The following FNTA variants were observed in gnomAD, a reference collection of about 807,000 sequenced individuals.
The protein encoded by FNTA is farnesyltransferase, CAAX box, subunit alpha.
Under a neutral mutation model 55.2 loss-of-function variants are expected in FNTA, and 27 were observed. The observed-to-expected ratio is 0.49, with a 90% CI of 0.36 to 0.67. The LOEUF (loss-of-function observed/expected upper bound fraction) is 0.67, where lower values mean the gene tolerates loss of function less well. Ranked by LOEUF, FNTA falls within the 30% of genes least tolerant of loss-of-function variation. FNTA has a pLI of 0.00. For missense variants in FNTA, 422 were observed against 464.7 expected, an observed-to-expected ratio of 0.91 and a Z score of 0.85; for synonymous variants, 176 against 170.7, an observed-to-expected ratio of 1.03 and a Z score of -0.24.
At chr8:43,064,838 A>C (rs1455268748) in intron 3 of FNTA, among the ~76,000 whole-genome samples, 1 of 148,762 alleles carries the variant, frequency 6.7e-6, no homozygotes, top group African/African-American at 2.5e-5. Flanking sequence ...TTATATTTTT[A>C]CTTTTATTTT....
chr8:43,084,217 C>CTTTTT (rs965185730), intron 7 of FNTA, among the ~76,000 whole-genome samples: 5 of 131,544 alleles, frequency 3.8e-5, no homozygotes, highest in African/African-American at 1.4e-4. Flanking sequence ...TGTAATTATC[C>CTTTTT]TTTTTTTTTT....
chr8:43,059,006 T>A (rs1211942695), intron 1 of FNTA, 86 bp from the exon 2 acceptor site: 1 of 966,226 alleles, frequency 1.0e-6, no homozygotes, highest in Non-Finnish European at 1.6e-6. Flanking sequence ...TCAATGTAAC[T>A]GTAATTATTG....
rs34748037 is a variant in FNTA at position 43,066,587 on chromosome 8, CGTGTGTGT to C, written c.401+2391_401+2398del. On this transcript the variant is annotated intron_variant, in intron 3 of 8. Coordinates refer to ENST00000302279, the MANE Select transcript of FNTA (RefSeq NM_002027.3). The stretch of plus-strand genomic sequence containing the variant: ...ATATTCTTTTTTAAATAGCATCGTT[CGTGTGTGT>C]GTGTGTGTGTGTGTGTGTTTAATTT... Among the ~76,000 whole-genome samples, 69 of 148,680 alleles carry C rather than the reference CGTGTGTGT, an allele frequency of 4.6e-4. No homozygotes were observed. The South Asian group carries it at 9.2e-3, about 20-fold the overall frequency.
chr8:43,063,894 A>G (rs1241098261), intron 2 of FNTA, among the ~76,000 whole-genome samples: 3 of 152,260 alleles, frequency 2.0e-5, no homozygotes, highest in Non-Finnish European at 4.4e-5. Context: ...GTAAGCATAC[A>G]GTTATACATA....
Position 43,064,337 on chromosome 8 carries a change from G to GT in FNTA, c.401+125dup, listed in dbSNP as rs1287553103. On this transcript the variant is annotated intron_variant, in intron 3 of 8. Transcript: ENST00000302279. ...TTTATTTTTTTTGGAGGGGGGTGCA[G>GT]TTTCACTCTTGTTGCCCAGGCTGGA... 1.2e-4 allele frequency: 76 copies of GT among 614,796 alleles called. No individual in the cohort carries two copies. In the Admixed American group the frequency reaches 2.1e-3, roughly 17 times the overall value. 38.1% of individuals were successfully genotyped at this position (614,796 alleles called of 1,614,324 possible). A position where few individuals can be genotyped will look rare whatever the true frequency, so the allele number is the denominator to read the frequency against.
chr8:43,078,525 G>A (rs1382182402), intron 6 of FNTA: 1 of 151,996 alleles, frequency 6.6e-6, no homozygotes, highest in Non-Finnish European at 1.5e-5. Context: ...TTTGTGATCA[G>A]TCATCTTTGA....
chr8:43,065,825 G>A (rs1190668772), intron 3 of FNTA, among the ~76,000 whole-genome samples: 1 of 151,344 alleles, frequency 6.6e-6, no homozygotes, highest in East Asian at 1.9e-4. Context: ...ACATCATTGA[G>A]TAGAAAGATG....
rs1189148410 is a variant in FNTA, at chr8:43,085,577, C to T, written c.*295C>T. Reference sequence around the variant, plus strand: ...AATCCCTTAGCATCAGCTCCTCCCTCAGTGGTACATGCGTCAAGATTTGTA... The same window carrying T: ...AATCCCTTAGCATCAGCTCCTCCCTTAGTGGTACATGCGTCAAGATTTGTA... On this transcript the variant is annotated 3_prime_UTR_variant, in exon 9 of 9. Transcript: ENST00000302279. The T allele has an allele frequency of 3.0e-6, 1 of 334,892 alleles. No individual in the cohort carries two copies. Among genetic ancestry groups the T allele is most frequent in the Non-Finnish European group, 5.4e-6 (1 of 184,510 alleles). 20.7% of individuals were successfully genotyped at this position (334,892 alleles called of 1,614,324 possible). A position where few individuals can be genotyped will look rare whatever the true frequency, so the allele number is the denominator to read the frequency against.
At chr8:43,062,827 C>T (rs539107380) in intron 2 of FNTA, among the ~76,000 whole-genome samples, 1 of 152,314 alleles carries the variant, frequency 6.6e-6, no homozygotes, top group Admixed American at 6.5e-5. Flanking sequence ...CCAGAGTTAG[C>T]ACAGATCCCA....
chr8:43,061,587 T>C (rs1035607060), intron 2 of FNTA, among the ~76,000 whole-genome samples: 2 of 152,236 alleles, frequency 1.3e-5, no homozygotes, highest in Non-Finnish European at 2.9e-5. Context: ...ATAAAATGTA[T>C]CATTGTCATA....
In FNTA at chr8:43,059,125, G is replaced by T. The variant is rs368366624; in HGVS notation, c.234G>T (p.Val78=). 1.3e-5 allele frequency: 21 copies of T among 1,613,598 alleles called. No homozygotes were observed. Among genetic ancestry groups the T allele is most frequent in the Non-Finnish European group, 1.8e-5 (21 of 1,179,940 alleles). Residue 78 remains valine (V), a synonymous_variant, in exon 2 of 9, where the codon GTG becomes GTT. Coordinates refer to ENST00000302279, the MANE Select transcript of FNTA (RefSeq NM_002027.3). The stretch of plus-strand genomic sequence containing the variant: ...CAGAATGGGCTGATATAGATCCGGT[G>T]CCGCAGAATGATGGCCCCAATCCCG... The part of the protein sequence containing the change: ...DRAEWADIDP[V]PQNDGPNPVV...
intron 5 of FNTA, 91 bp downstream of exon 5, chr8:43,072,398 C>T: frequency 1.1e-6 from 1 of 923,000 alleles, no homozygotes; most frequent in Non-Finnish European, 1.5e-6. Flanking sequence ...AACCAAAACA[C>T]ACACATACGT....
chr8:43,066,108 A>G (rs1176877652), intron 3 of FNTA, among the ~76,000 whole-genome samples: 2 of 150,878 alleles, frequency 1.3e-5, no homozygotes, highest in East Asian at 3.9e-4. Context: ...TCTATGTTGT[A>G]TCTCCTCAAT....
chr8:43,085,110 C>A, intron 8 of FNTA, 50 bp from the exon 9 acceptor site: 2 of 1,427,338 alleles, frequency 1.4e-6, no homozygotes, highest in Non-Finnish European at 1.9e-6. Flanking sequence ...AAGGCATTTG[C>A]GCTTGAAATT....
chr8:43,065,464 C>T lies in FNTA; in HGVS notation c.401+1249C>T, dbSNP rs534733876. Among the ~76,000 whole-genome samples the T allele has an allele frequency of 1.4e-4, 22 of 152,238 alleles. 1 individual carries two copies. The South Asian group carries it at 4.4e-3, about 30-fold the overall frequency. On this transcript the variant is annotated intron_variant, in intron 3 of 8. Coordinates refer to ENST00000302279, the MANE Select transcript of FNTA (RefSeq NM_002027.3). ...GTTTCATCATGTTGCTCAGGTTGGTCTCGACCTCCTGACCTCGGGTGATCC... is the reference window on the plus strand; with the variant it reads ...GTTTCATCATGTTGCTCAGGTTGGTTTCGACCTCCTGACCTCGGGTGATCC...
At chr8:43,074,710 C>A (rs565369615) in intron 5 of FNTA, among the ~76,000 whole-genome samples, 1 of 152,086 alleles carries the variant, frequency 6.6e-6, no homozygotes, top group East Asian at 1.9e-4. Flanking sequence ...CTTGAAACAG[C>A]AAAATTATAG....
rs889080268 is a variant in FNTA, at chr8:43,084,694, T to C, written c.846-16T>C. 6.4e-7 allele frequency: 1 copy of C among 1,568,734 alleles called. No homozygotes were observed. The highest frequency in any genetic ancestry group is 1.4e-5 in the African/African-American group (1 of 72,518). ...CTTCACAAAATCAAGTCTTTGTTTT[T>C]TGTTGTTGTTTACAGGATTTTGCAG... is the stretch of plus-strand genomic sequence containing the variant. On this transcript the variant is annotated splice_polypyrimidine_tract_variant and intron_variant, in intron 7 of 8. Transcript: ENST00000302279.
chr8:43,069,473 C>A, intron 3 of FNTA, 82 bp from the exon 4 acceptor site: 1 of 873,138 alleles, frequency 1.1e-6, no homozygotes, highest in Non-Finnish European at 1.9e-6. Flanking sequence ...AACTGTATTG[C>A]TGACTTGTAG....
rs149009199 is a variant in FNTA at position 43,066,510 on chromosome 8, C to T, written c.401+2295C>T. Among the ~76,000 whole-genome samples, 1,298 of 151,920 alleles carry T rather than the reference C, an allele frequency of 8.5e-3. 73 individuals carry two copies. The highest frequency in any genetic ancestry group is 0.03 in the African/African-American group (1,227 of 41,276). On this transcript the variant is annotated intron_variant, in intron 3 of 8. Coordinates refer to ENST00000302279, the MANE Select transcript of FNTA (RefSeq NM_002027.3). ...TCCTGACCTCGTGATCCGCCCGCCT[C>T]GGCCTCCCAAAGTGCTGGGATTACA...
Sources: gnomAD v4.1 joint callset for allele counts (sites outside exome capture counted in the v4.1 genomes callset) on GRCh38, gnomAD v4.1.1 for gene constraint, MANE v1.5 for transcripts, NCBI Gene and HGNC (gene_info 2026-07-23, HGNC 2026-07-21) for gene names.